Variants in OSBPL8 observed in about 807,000 individuals in gnomAD.
The protein encoded by OSBPL8 is oxysterol binding protein like 8.
Under a neutral mutation model 125.5 loss-of-function variants are expected in OSBPL8, and 59 were observed. The ratio of observed to expected loss-of-function variants is 0.47; its 90% confidence interval spans 0.38 to 0.58. The LOEUF is 0.58. Among genes scored for constraint, OSBPL8 ranks in the 20% least tolerant of loss-of-function variants. The pLI, the probability that OSBPL8 is intolerant of heterozygous loss-of-function variation, is 0.00. For synonymous variants in OSBPL8, 330 were observed against 338.9 expected (o/e 0.97, Z 0.29); for missense variants, 758 against 1,047.8 (o/e 0.72, Z 3.82).
chr12:76,509,472 G>A (rs888910916), intron 1 of OSBPL8, among the ~76,000 whole-genome samples: 3 of 152,070 alleles, frequency 2.0e-5, no homozygotes, highest in Admixed American at 6.6e-5. Context: ...CTATTCATAC[G>A]TACTTTGAAA....
At position 76,401,741 on chromosome 12, in the gene OSBPL8, T is replaced by C. The variant is rs574374464; in HGVS notation, c.366+948A>G. 2.6e-5 allele frequency among the ~76,000 whole-genome samples: 4 copies of C among 152,268 alleles called. No individual in the cohort carries two copies. In the South Asian group the frequency reaches 8.3e-4, roughly 32 times the overall value. On this transcript the variant is annotated intron_variant, in intron 6 of 23. Transcript: ENST00000261183. ...CAAAGAATGCCACAACTGTTTGCAA[T>C]TGGAAGTTTTGCTCTCTTTCCCAAT...
intron 21 of OSBPL8, among the ~76,000 whole-genome samples, chr12:76,359,366 T>C (rs977504336): frequency 6.6e-6 from 1 of 152,236 alleles, no homozygotes; most frequent in African/African-American, 2.4e-5. Flanking sequence ...CATTATTTTG[T>C]AGAGCATTAT....
intron 5 of OSBPL8, among the ~76,000 whole-genome samples, chr12:76,407,639 A>T (rs1419058248): frequency 6.6e-6 from 1 of 152,246 alleles, no homozygotes; most frequent in South Asian, 2.1e-4. Flanking sequence ...TGAGAAAATC[A>T]GTAAGTTTCA....
chr12:76,547,358 A>AT lies in OSBPL8; in HGVS notation c.-68+12038_-68+12039insA, dbSNP rs1187490662. ...ATCAATATGGAGCCTGAAGATTATG[A>AT]AAAGGAGTATGGGAAAAGAAGTAAA... On this transcript the variant is annotated intron_variant, in intron 1 of 23. Transcript: ENST00000261183. 2.0e-5 allele frequency among the ~76,000 whole-genome samples: 3 copies of AT among 152,224 alleles called. No homozygotes were observed. The East Asian group carries it at 5.8e-4, about 29-fold the overall frequency.
At chr12:76,372,207 A>G (rs974186618) in intron 18 of OSBPL8, among the ~76,000 whole-genome samples, 5 of 150,982 alleles carry the variant, frequency 3.3e-5, no homozygotes, top group African/African-American at 9.8e-5. Context: ...TCTCATCTCT[A>G]TCTTATCTAT....
chr12:76,382,266 A>C (rs927314220), intron 15 of OSBPL8, among the ~76,000 whole-genome samples: 5 of 151,894 alleles, frequency 3.3e-5, no homozygotes, highest in Non-Finnish European at 7.4e-5. Flanking sequence ...TACATTATTT[A>C]AATTATTGTT....
chr12:76,443,997 C>G (rs907332983), intron 4 of OSBPL8, among the ~76,000 whole-genome samples: 2 of 151,828 alleles, frequency 1.3e-5, no homozygotes, highest in African/African-American at 4.8e-5. Context: ...TCTAATTCAC[C>G]AAAATCTAAA....
At chr12:76,558,577 G>A (rs913920333) in intron 1 of OSBPL8, among the ~76,000 whole-genome samples, 6 of 152,154 alleles carry the variant, frequency 3.9e-5, no homozygotes, top group African/African-American at 1.4e-4. Context: ...TACATTATCA[G>A]TTAAAGTTTA....
At chr12:76,356,112 T>C in intron 23 of OSBPL8, 91 bp from the exon 24 acceptor site, 1 of 1,063,012 alleles carries the variant, frequency 9.4e-7, no homozygotes, top group Non-Finnish European at 1.3e-6. Context: ...TCACAGAGCA[T>C]TTAATGTTAA....
At chr12:76,524,075 TAAAC>T (rs949391171) in intron 1 of OSBPL8, among the ~76,000 whole-genome samples, 3 of 152,076 alleles carry the variant, frequency 2.0e-5, no homozygotes, top group Non-Finnish European at 2.9e-5. Context: ...AGTACATACA[TAAAC>T]AAAGAATGAA....
At chr12:76,376,728 T>TA (rs1952831243) in intron 16 of OSBPL8, among the ~76,000 whole-genome samples, 1 of 152,166 alleles carries the variant, frequency 6.6e-6, no homozygotes, top group Non-Finnish European at 1.5e-5. Flanking sequence ...ACTAAGGCCA[T>TA]AAGTTAGGCT....
At chr12:76,452,710 A>C (rs2136752393) in intron 3 of OSBPL8, among the ~76,000 whole-genome samples, 1 of 152,328 alleles carries the variant, frequency 6.6e-6, no homozygotes, top group African/African-American at 2.4e-5. Context: ...AATTCAACAC[A>C]GTCTGGCCTG....
chr12:76,428,246 A>G (rs1870392430), intron 4 of OSBPL8, among the ~76,000 whole-genome samples: 1 of 152,048 alleles, frequency 6.6e-6, no homozygotes, highest in South Asian at 2.1e-4. Context: ...AGGTCATAAG[A>G]GTCTCTGAAA....
At chr12:76,537,397 T>A (rs999535456) in intron 1 of OSBPL8, among the ~76,000 whole-genome samples, 1 of 152,238 alleles carries the variant, frequency 6.6e-6, no homozygotes, top group African/African-American at 2.4e-5. Flanking sequence ...GAATGCAGGG[T>A]TACCACTGTT....
At chr12:76,461,282 C>T (rs1177780766) in intron 2 of OSBPL8, among the ~76,000 whole-genome samples, 1 of 152,098 alleles carries the variant, frequency 6.6e-6, no homozygotes, top group Non-Finnish European at 1.5e-5. Flanking sequence ...ATCTTGCATG[C>T]AGTTTCTCAA....
intron 1 of OSBPL8, among the ~76,000 whole-genome samples, chr12:76,516,240 C>T (rs1881520744): frequency 6.6e-6 from 1 of 152,144 alleles, no homozygotes; most frequent in Admixed American, 6.5e-5. Context: ...TGAAAAGTGC[C>T]CTCCTTGTGC....
chr12:76,399,879 C>T lies in OSBPL8; in HGVS notation c.462G>A (p.Trp154Ter). The change falls in exon 7 of 24, where the codon TGG becomes TGA. Residue 154 changes from tryptophan (W) to a stop codon, truncating the protein, a stop_gained. Transcript: ENST00000261183. LOFTEE classifies it high-confidence loss of function. The part of the protein sequence containing the change: ...TDPSVIVMAD[W>*]LKIRGTLKSW... ...TGATTCAAAACACACTGACCTTTAA[C>T]CAATCAGCCATAACAATAACAGAAG... 1 of 1,595,196 alleles carries T rather than the reference C, an allele frequency of 6.3e-7. No individual in the cohort carries two copies. The highest frequency in any genetic ancestry group is 1.2e-5 in the South Asian group (1 of 86,070).
rs776770782 is a variant in OSBPL8, at chr12:76,358,659, G to A, written c.2434+47C>T. 2.1e-6 allele frequency: 3 copies of A among 1,426,942 alleles called. No homozygotes were observed. The Admixed American group carries it at 5.1e-5, about 24-fold the overall frequency. 88.4% of individuals were successfully genotyped at this position (1,426,942 alleles called of 1,614,324 possible). On this transcript the variant is annotated intron_variant, in intron 22 of 23. Transcript: ENST00000261183. ...AACCATATTCATATCAAATTGTGTA[G>A]TAATTAAAAAGTTAGACTCTCATTA...
intron 15 of OSBPL8, 67 bp downstream of exon 15, chr12:76,384,187 T>C: frequency 2.2e-6 from 2 of 918,366 alleles, no homozygotes; most frequent in South Asian, 4.9e-5. Context: ...TGACACTGCC[T>C]AAATAAAAGC....
Sources: allele counts gnomAD v4.1 joint callset (sites outside exome capture counted in the v4.1 genomes callset), GRCh38; gene constraint gnomAD v4.1.1; transcripts MANE v1.5; gene names NCBI Gene and HGNC (gene_info 2026-07-23, HGNC 2026-07-21).